Variants in ECT2L observed in about 807,000 individuals in gnomAD.
The protein encoded by ECT2L is epithelial cell-transforming sequence 2 oncogene-like.
Under a neutral mutation model 122.8 loss-of-function variants are expected in ECT2L, and 126 were observed. The observed-to-expected ratio is 1.03, with a 90% CI of 0.89 to 1.19. The LOEUF (loss-of-function observed/expected upper bound fraction) is 1.19. ECT2L is among the 50% of genes most tolerant of loss of function. The probability of loss-of-function intolerance (pLI) is 0.00; values close to 1 mark genes in which losing one functional copy is unlikely to be tolerated. For missense variants in ECT2L, 1,012 were observed against 1,064.1 expected (o/e 0.95, Z 0.68); for synonymous variants, 385 against 381.8 (o/e 1.01, Z -0.10).
intron 8 of ECT2L, among the ~76,000 whole-genome samples, chr6:138,847,439 C>T (rs1392210825): frequency 2.5e-5 from 3 of 121,848 alleles, no homozygotes; most frequent in Admixed American, 2.0e-4. Flanking sequence ...GGCGCAATCT[C>T]GGCTCACTGC....
At chr6:138,822,802 A>G in intron 4 of ECT2L, 2 of 1,610,874 alleles carry the variant, frequency 1.2e-6, no homozygotes, top group East Asian at 2.2e-5. Flanking sequence ...AATGAAATGA[A>G]TGGCACTTAT....
rs938578760 is a variant in ECT2L, at chr6:138,854,128, A to T, written c.1172A>T (p.Asp391Val). 1 of 1,613,988 alleles carries T rather than the reference A, an allele frequency of 6.2e-7. No homozygotes were observed. Among genetic ancestry groups the T allele is most frequent in the Non-Finnish European group, 8.5e-7 (1 of 1,180,012 alleles). Residue 391 changes from aspartate (D) to valine (V), a missense_variant, in exon 10 of 22, where the codon GAC becomes GTC. Coordinates refer to ENST00000541398, the MANE Select transcript of ECT2L (RefSeq NM_001077706.3). ...ACTGAAGAAGAAGGGGGTCACGTGG[A>T]CTTCTTCGTGCCCCTTGGAGCATCA... ...VATEEEGGHV[D>V]FFVPLGASEA...
intron 14 of ECT2L, among the ~76,000 whole-genome samples, chr6:138,878,208 A>G (rs1778521441): frequency 6.6e-6 from 1 of 152,136 alleles, no homozygotes; most frequent in South Asian, 2.1e-4. Context: ...ATGTACGAAA[A>G]CGTTATAAAA....
At chr6:138,799,391 C>G (rs932535860) in intron 1 of ECT2L, among the ~76,000 whole-genome samples, 1 of 151,798 alleles carries the variant, frequency 6.6e-6, no homozygotes, top group African/African-American at 2.4e-5. Flanking sequence ...GTAGCTGGGA[C>G]TACAGGCACC....
In ECT2L at chr6:138,814,557, G is replaced by A. The variant is rs182121766; in HGVS notation, c.133G>A (p.Glu45Lys). ...CCTCTGGACTAACAAGCAACGTCAAGAATTCTTATTCGCAATTTTTTTAAG... is the reference window on the plus strand; with the variant it reads ...CCTCTGGACTAACAAGCAACGTCAAAAATTCTTATTCGCAATTTTTTTAAG... ...FDLWTNKQRQ[E>K]FLFAIFLRCT... Residue 45 changes from glutamate to lysine, a missense_variant, in exon 4 of 22, where the codon GAA becomes AAA. Physicochemically the swap from Glu to Lys is moderately conservative, Grantham distance 56. Coordinates refer to ENST00000541398, the MANE Select transcript of ECT2L (RefSeq NM_001077706.3). 12 of 1,612,406 alleles carry A rather than the reference G, an allele frequency of 7.4e-6. No individual in the cohort carries two copies. In the African/African-American group the frequency reaches 1.1e-4, roughly 14 times the overall value.
intron 4 of ECT2L, among the ~76,000 whole-genome samples, chr6:138,837,300 T>C (rs952880169): frequency 1.3e-5 from 2 of 152,126 alleles, no homozygotes; most frequent in Non-Finnish European, 2.9e-5. Context: ...CCCAACCCCC[T>C]GTAAACAACC....
intron 5 of ECT2L, among the ~76,000 whole-genome samples, chr6:138,838,929 G>A (rs1034324632): frequency 2.6e-5 from 4 of 151,978 alleles, no homozygotes; most frequent in Non-Finnish European, 4.4e-5. Flanking sequence ...TTACAGGCGC[G>A]TGCCACCACG....
intron 1 of ECT2L, among the ~76,000 whole-genome samples, chr6:138,805,172 C>T (rs115596720): frequency 0.014 from 2,066 of 152,212 alleles, 43 homozygotes; most frequent in African/African-American, 0.048. Context: ...GTTTCATTGA[C>T]GTATAGTATT....
At chr6:138,883,601 G>A (rs115101496) in intron 16 of ECT2L, among the ~76,000 whole-genome samples, 118 of 152,274 alleles carry the variant, frequency 7.7e-4, no homozygotes, top group African/African-American at 2.7e-3. Flanking sequence ...GGAGGGCTCC[G>A]GCCCTTGGAC....
At chr6:138,839,189 CTTA>C (rs1168581369) in intron 5 of ECT2L, among the ~76,000 whole-genome samples, 1 of 152,150 alleles carries the variant, frequency 6.6e-6, no homozygotes, top group Non-Finnish European at 1.5e-5. Flanking sequence ...CAACTAATCC[CTTA>C]TTGTCTTAAC....
In ECT2L at chr6:138,902,551, C is replaced by G; in HGVS notation, c.2639C>G (p.Ala880Gly). The G allele has an allele frequency of 6.2e-7, 1 of 1,613,598 alleles. No homozygotes were observed. Among genetic ancestry groups the G allele is most frequent in the Non-Finnish European group, 8.5e-7 (1 of 1,179,634 alleles). The change falls in exon 22 of 22, where the codon GCT (alanine) becomes GGT (glycine). Residue 880 changes from alanine to glycine, a missense_variant. Transcript: ENST00000541398. ...GGTCCAAAATATAAATGGATTTGTG[C>G]TACAGAAATAGAGGATGATAAGTTC... ...LQGPKYKWIC[A>G]TEIEDDKFLW...
intron 13 of ECT2L, among the ~76,000 whole-genome samples, chr6:138,876,207 C>T (rs913267207): frequency 6.6e-6 from 1 of 152,016 alleles, no homozygotes; most frequent in Non-Finnish European, 1.5e-5. Flanking sequence ...GCATCACTTC[C>T]CTGGCTCCCA....
intron 1 of ECT2L, among the ~76,000 whole-genome samples, chr6:138,799,354 T>C (rs192569019): frequency 0.022 from 3,261 of 151,428 alleles, 42 homozygotes; most frequent in African/African-American, 0.037. Flanking sequence ...CCCGGGTTCA[T>C]GCCATTCTCC....
At position 138,846,630 on chromosome 6, in the gene ECT2L, C is replaced by T; in HGVS notation, c.856C>T (p.Leu286Phe). Residue 286 changes from leucine (L) to phenylalanine (F), a missense_variant, in exon 8 of 22, where the codon CTC becomes TTC. Leu to Phe is a conservative substitution (Grantham distance 22). Coordinates refer to ENST00000541398, the MANE Select transcript of ECT2L (RefSeq NM_001077706.3). Reference protein sequence around the residue: ...HKNDDRSSYALRPHFMLISSR... With the variant: ...HKNDDRSSYAFRPHFMLISSR... Reference sequence around the variant, plus strand: ...AAATGATGACAGATCTTCATATGCTCTCCGGCCACACTTCATGTTAATATC... The same window carrying T: ...AAATGATGACAGATCTTCATATGCTTTCCGGCCACACTTCATGTTAATATC... The T allele has an allele frequency of 1.2e-6, 2 of 1,610,558 alleles. No homozygotes were observed. Among genetic ancestry groups the T allele is most frequent in the South Asian group, 1.1e-5 (1 of 90,226 alleles).
chr6:138,822,559 A>G lies in ECT2L; in HGVS notation c.179+7956A>G, dbSNP rs188127935. ...AACAGAGCCAGAGACCCTGTCATAA[A>G]TAAATAAATAAACAAACAAACAAAT... On this transcript the variant is annotated intron_variant, in intron 4 of 21. Transcript: ENST00000541398. 1.4e-4 allele frequency among the ~76,000 whole-genome samples: 21 copies of G among 152,318 alleles called. No homozygotes were observed. In the East Asian group the frequency reaches 3.3e-3, roughly 24 times the overall value.
chr6:138,876,982 C>T (rs1305270805), intron 14 of ECT2L, among the ~76,000 whole-genome samples: 1 of 152,202 alleles, frequency 6.6e-6, no homozygotes, highest in African/African-American at 2.4e-5. Flanking sequence ...GTGGAGGAAG[C>T]TGCAGCCTCA....
At chr6:138,806,107 C>G (rs566234208) in intron 1 of ECT2L, among the ~76,000 whole-genome samples, 1 of 152,190 alleles carries the variant, frequency 6.6e-6, no homozygotes, top group Non-Finnish European at 1.5e-5. Flanking sequence ...TCCGTCAGGT[C>G]CAGTTGCAAA....
chr6:138,836,002 G>A (rs1279218355), intron 4 of ECT2L, among the ~76,000 whole-genome samples: 5 of 152,054 alleles, frequency 3.3e-5, no homozygotes, highest in African/African-American at 1.2e-4. Context: ...CTGGTTGGGT[G>A]ATGGTTCCTC....
intron 20 of ECT2L, among the ~76,000 whole-genome samples, chr6:138,895,000 C>T (rs1244978716): frequency 3.3e-5 from 5 of 151,912 alleles, no homozygotes; most frequent in Non-Finnish European, 5.9e-5. Flanking sequence ...GGCTCATTCC[C>T]GTAATCCCAG....
Sources: gnomAD v4.1 joint callset for allele counts (sites outside exome capture counted in the v4.1 genomes callset) on GRCh38, gnomAD v4.1.1 for gene constraint, MANE v1.5 for transcripts, NCBI Gene and HGNC (gene_info 2026-07-23, HGNC 2026-07-21) for gene names.